The following ERBB4 variants were observed in gnomAD, a reference collection of about 807,000 sequenced individuals.
The protein encoded by ERBB4 is receptor tyrosine-protein kinase erbB-4.
In ERBB4, 42 loss-of-function variants were observed where a neutral mutation model predicts 158.0. The observed-to-expected ratio is 0.27, with a 90% CI of 0.21 to 0.34. The LOEUF is 0.34. ERBB4 is among the 10% of genes least tolerant of loss of function. The probability of loss-of-function intolerance (pLI) is 1.00; values close to 1 mark genes in which losing one functional copy is unlikely to be tolerated. For synonymous variants in ERBB4, 583 were observed against 558.7 expected (o/e 1.04, Z -0.61); for missense variants, 1,333 against 1,624.1 (o/e 0.82, Z 3.08).
chr2:212,337,465 G>C (rs1369527601), intron 1 of ERBB4, among the ~76,000 whole-genome samples: 4 of 152,050 alleles, frequency 2.6e-5, no homozygotes, highest in Non-Finnish European at 5.9e-5. Context: ...TCACAAAATT[G>C]TAGATGGCAC....
At chr2:211,559,746 G>T (rs547890213) in intron 20 of ERBB4, among the ~76,000 whole-genome samples, 2 of 152,024 alleles carry the variant, frequency 1.3e-5, no homozygotes, top group African/African-American at 4.8e-5. Flanking sequence ...AACCAGGCTC[G>T]TATCTGCATT....
At chr2:211,548,909 T>G (rs2067009089) in intron 20 of ERBB4, among the ~76,000 whole-genome samples, 1 of 152,136 alleles carries the variant, frequency 6.6e-6, no homozygotes, top group African/African-American at 2.4e-5. Context: ...GAACTAGACC[T>G]TCTGGGGCTC....
intron 20 of ERBB4, among the ~76,000 whole-genome samples, chr2:211,483,638 G>A (rs377584423): frequency 1.4e-4 from 22 of 152,062 alleles, no homozygotes; most frequent in African/African-American, 5.1e-4. Context: ...TGCAACCTCC[G>A]CCTCCCAGAT....
At chr2:212,274,744 T>G (rs2085465291) in intron 1 of ERBB4, among the ~76,000 whole-genome samples, 1 of 151,802 alleles carries the variant, frequency 6.6e-6, no homozygotes, top group South Asian at 2.1e-4. Flanking sequence ...TCTACAATAT[T>G]TTATGTATCT....
intron 3 of ERBB4, among the ~76,000 whole-genome samples, chr2:211,913,043 A>C (rs2079578638): frequency 6.6e-6 from 1 of 152,100 alleles, no homozygotes; most frequent in African/African-American, 2.4e-5. Context: ...GATGGTATAT[A>C]AGCTTCTGTA....
intron 2 of ERBB4, among the ~76,000 whole-genome samples, chr2:212,073,365 G>A (rs985515993): frequency 2.0e-5 from 3 of 151,940 alleles, no homozygotes; most frequent in Admixed American, 6.6e-5. Flanking sequence ...CTAGAATGGA[G>A]GCAGAAAGTG....
intron 5 of ERBB4, among the ~76,000 whole-genome samples, chr2:211,745,190 A>G (rs535659670): frequency 6.6e-6 from 1 of 152,208 alleles, no homozygotes; most frequent in Non-Finnish European, 1.5e-5. Flanking sequence ...AACTGACTTT[A>G]AAAAAATGAA....
intron 2 of ERBB4, among the ~76,000 whole-genome samples, chr2:212,013,682 T>A (rs1202620684): frequency 1.3e-5 from 2 of 152,180 alleles, no homozygotes; most frequent in Non-Finnish European, 2.9e-5. Flanking sequence ...AACTAAGGAA[T>A]GCCAAGGATT....
chr2:211,930,042 G>T (rs2080130986), intron 3 of ERBB4, among the ~76,000 whole-genome samples: 1 of 152,068 alleles, frequency 6.6e-6, no homozygotes, highest in South Asian at 2.1e-4. Flanking sequence ...CTGTTGACAT[G>T]TATGGATTTA....
At position 212,275,685 on chromosome 2, in the gene ERBB4, T is replaced by C. The variant is rs528444022; in HGVS notation, c.83-150782A>G. Among the ~76,000 whole-genome samples the C allele has an allele frequency of 5.9e-5, 9 of 151,734 alleles. No individual in the cohort carries two copies. The South Asian group carries it at 1.7e-3, about 28-fold the overall frequency. ...AAGAGCTCCTGAAGGAAGCACTAAA[T>C]ATGGAAAGGAAAAACCGGTACCAGC... On this transcript the variant is annotated intron_variant, in intron 1 of 27. Coordinates refer to ENST00000342788, the MANE Select transcript of ERBB4 (RefSeq NM_005235.3).
intron 20 of ERBB4, among the ~76,000 whole-genome samples, chr2:211,509,846 C>T (rs1851188): frequency 0.52 from 78,898 of 151,816 alleles, 20,780 homozygotes; most frequent in Middle Eastern, 0.56. Flanking sequence ...GAAAAAATGA[C>T]CAACATCACT....
chr2:211,848,968 A>C (rs1163818611), intron 3 of ERBB4, among the ~76,000 whole-genome samples: 2 of 152,102 alleles, frequency 1.3e-5, no homozygotes, highest in Non-Finnish European at 2.9e-5. Flanking sequence ...AACTACATAC[A>C]AAATGACTTT....
intron 1 of ERBB4, among the ~76,000 whole-genome samples, chr2:212,422,500 A>AACACACACACACACACAC (rs56308920): frequency 6.7e-6 from 1 of 148,556 alleles, no homozygotes; most frequent in African/African-American, 2.5e-5. Flanking sequence ...TTGGACTCAA[A>AACACACACACACACACAC]ACACACACAC....
intron 9 of ERBB4, among the ~76,000 whole-genome samples, chr2:211,710,569 G>T (rs1031731275): frequency 6.6e-6 from 1 of 152,106 alleles, no homozygotes; most frequent in Admixed American, 6.6e-5. Flanking sequence ...ATCTCAAAAT[G>T]ACTAGTGTTA....
intron 1 of ERBB4, among the ~76,000 whole-genome samples, chr2:212,416,574 C>T (rs888668905): frequency 2.6e-5 from 4 of 151,988 alleles, no homozygotes; most frequent in Admixed American, 6.6e-5. Context: ...ATAATATATT[C>T]GTATAAAATA....
chr2:211,657,500 C>T (rs2071261328), intron 16 of ERBB4: 1 of 426,820 alleles, frequency 2.3e-6, no homozygotes. Flanking sequence ...CAGAGTGAGA[C>T]TCGGTCTCCA....
chr2:211,386,864 T>C lies in ERBB4; in HGVS notation c.3470A>G (p.Lys1157Arg). 6.2e-7 allele frequency: 1 copy of C among 1,614,188 alleles called. No individual in the cohort carries two copies. The highest frequency in any genetic ancestry group is 8.5e-7 in the Non-Finnish European group (1 of 1,180,016). ...TAATCAGTTCATACCTTGTTTGGGTTTGTCTCGCATAGGAGTCATGTAACC... is the reference window on the plus strand; with the variant it reads ...TAATCAGTTCATACCTTGTTTGGGTCTGTCTCGCATAGGAGTCATGTAACC... Reference protein sequence around the residue: ...EEGYMTPMRDKPKQEYLNPVE... With the variant: ...EEGYMTPMRDRPKQEYLNPVE... Residue 1157 changes from lysine (K) to arginine (R), a missense_variant, in exon 27 of 28, where the codon AAA (lysine) becomes AGA (arginine). Around this residue, in one of 5 missense-constraint regions of ERBB4, gnomAD observed 252 missense variants for 241.3 expected, o/e 1.04. Coordinates refer to ENST00000342788, the MANE Select transcript of ERBB4 (RefSeq NM_005235.3).
chr2:212,229,424 G>A (rs2083589825), intron 1 of ERBB4, among the ~76,000 whole-genome samples: 1 of 152,184 alleles, frequency 6.6e-6, no homozygotes, highest in Non-Finnish European at 1.5e-5. Flanking sequence ...ATGCAAAAGT[G>A]CATAGTTAAT....
At chr2:212,049,769 T>C (rs2077351054) in intron 2 of ERBB4, among the ~76,000 whole-genome samples, 1 of 152,218 alleles carries the variant, frequency 6.6e-6, no homozygotes, top group African/African-American at 2.4e-5. Flanking sequence ...TGTCTTTGTC[T>C]TCACATAGTC....
Sources: gnomAD v4.1 joint callset for allele counts (sites outside exome capture counted in the v4.1 genomes callset) on GRCh38, gnomAD v4.1.1 for gene constraint, gnomAD v4.1.1 regional missense constraint, MANE v1.5 for transcripts, NCBI Gene and HGNC (gene_info 2026-07-23, HGNC 2026-07-21) for gene names.